The following PCLO variants were observed in gnomAD, a reference collection of about 807,000 sequenced individuals.
PCLO encodes piccolo presynaptic cytomatrix protein.
A neutral mutation model predicts 427.5 loss-of-function variants in PCLO; 82 were observed. The ratio of observed to expected loss-of-function variants is 0.19; its 90% CI spans 0.16 to 0.23. The LOEUF is 0.23. Among genes scored for constraint, PCLO ranks in the 10% least tolerant of loss-of-function variants. The pLI is 1.00. For missense variants in PCLO, 6,239 were observed against 6,115.9 expected (o/e 1.02, Z -0.67); for synonymous variants, 2,357 against 2,155.4 (o/e 1.09, Z -2.59).
intron 3 of PCLO, among the ~76,000 whole-genome samples, chr7:83,121,603 C>T (rs1791281091): frequency 1.3e-5 from 2 of 151,798 alleles, no homozygotes; most frequent in Non-Finnish European, 1.5e-5. Flanking sequence ...AAAAGCAAGA[C>T]CCAAAAAAAT....
chr7:83,081,076 G>A (rs1487828023), intron 3 of PCLO, among the ~76,000 whole-genome samples: 7 of 151,852 alleles, frequency 4.6e-5, no homozygotes, highest in Admixed American at 3.9e-4. Context: ...GATAAGGGGT[G>A]GACTACTGTA....
intron 3 of PCLO, among the ~76,000 whole-genome samples, chr7:83,073,265 A>T (rs1789864477): frequency 6.6e-6 from 1 of 152,050 alleles, no homozygotes; most frequent in Non-Finnish European, 1.5e-5. Flanking sequence ...TTAAAATTAC[A>T]GCCCATTAAA....
At chr7:83,057,338 A>G (rs867280718) in intron 3 of PCLO, among the ~76,000 whole-genome samples, 1 of 21,302 alleles carries the variant, frequency 4.7e-5, no homozygotes, top group Admixed American at 7.8e-4. Context: ...ATATATATAT[A>G]TATATATATA....
chr7:82,801,361 C>G (rs959722124), intron 22 of PCLO, among the ~76,000 whole-genome samples, 157 bp downstream of exon 22: 13 of 151,606 alleles, frequency 8.6e-5, no homozygotes, highest in Non-Finnish European at 1.9e-4. Context: ...AAAATGAATA[C>G]AGTCATTCTC....
At chr7:83,024,589 T>TG (rs1473189350) in intron 3 of PCLO, among the ~76,000 whole-genome samples, 2 of 152,150 alleles carry the variant, frequency 1.3e-5, no homozygotes, top group African/African-American at 4.8e-5. Flanking sequence ...AAGCTCGAAC[T>TG]GGGTGGAGCC....
chr7:83,009,609 G>A (rs1788029424), intron 3 of PCLO, among the ~76,000 whole-genome samples: 1 of 151,772 alleles, frequency 6.6e-6, no homozygotes, highest in African/African-American at 2.4e-5. Flanking sequence ...ATAATATACA[G>A]AGAATACAAA....
chr7:83,156,125 T>C lies in PCLO; in HGVS notation c.516A>G (p.Lys172=). Reference sequence around the variant, plus strand: ...CTGATATCAAATCAAAAGGGTTGAATTTATTTACAACAGAGGAAACAGCAC... The same window carrying C: ...CTGATATCAAATCAAAAGGGTTGAACTTATTTACAACAGAGGAAACAGCAC... ...ALSAVSSVVN[K]FNPFDLISDS... Residue 172 remains lysine, a synonymous_variant, in exon 2 of 25, where the codon AAA becomes AAG. Coordinates refer to ENST00000333891, the MANE Select transcript of PCLO (RefSeq NM_033026.6). 6.2e-7 allele frequency: 1 copy of C among 1,613,912 alleles called. No homozygotes were observed. Among genetic ancestry groups the C allele is most frequent in the Admixed American group, 1.7e-5 (1 of 60,014 alleles).
intron 3 of PCLO, among the ~76,000 whole-genome samples, chr7:83,011,855 T>A (rs375001494): frequency 3.3e-5 from 5 of 152,204 alleles, no homozygotes; most frequent in African/African-American, 1.2e-4. Context: ...AAATCTACCT[T>A]AGGAATTCAT....
chr7:82,895,385 T>C (rs185314718), intron 9 of PCLO, among the ~76,000 whole-genome samples: 37 of 151,920 alleles, frequency 2.4e-4, no homozygotes, highest in African/African-American at 8.2e-4. Context: ...GCTCTCCAAC[T>C]AATAAACTAA....
In PCLO at chr7:83,135,475, T is replaced by A. The variant is rs28726270; in HGVS notation, c.2075A>T (p.Gln692Leu). 4.3e-3 allele frequency: 6,906 copies of A among 1,613,678 alleles called. 244 individuals carry two copies. The African/African-American group carries it at 0.079, about 18-fold the overall frequency. Residue 692 changes from glutamine to leucine, a missense_variant, in exon 3 of 25, where the codon CAG becomes CTG. Around this residue, in one of 5 missense-constraint regions of PCLO, gnomAD observed 4,677 missense variants for 4,468.4 expected, o/e 1.05. Transcript: ENST00000333891. ...AGGCTCAGGTGCCTTGGAGAGATCCTGTTTTGGTGCAGCATCCTTCTTTGG... is the reference window on the plus strand; with the variant it reads ...AGGCTCAGGTGCCTTGGAGAGATCCAGTTTTGGTGCAGCATCCTTCTTTGG... ...TSPKKDAAPK[Q>L]DLSKAPEPKK...
chr7:82,940,751 C>CTTTT (rs1795063628), intron 6 of PCLO, among the ~76,000 whole-genome samples: 3 of 76,336 alleles, frequency 3.9e-5, no homozygotes, highest in Admixed American at 1.4e-4. Flanking sequence ...TTATTTTTTT[C>CTTTT]TTTCTTTTTT....
At chr7:83,079,609 A>G (rs1790043628) in intron 3 of PCLO, among the ~76,000 whole-genome samples, 1 of 152,146 alleles carries the variant, frequency 6.6e-6, no homozygotes, top group African/African-American at 2.4e-5. Context: ...ATGTTCATAC[A>G]CATTTTTTGT....
intron 3 of PCLO, among the ~76,000 whole-genome samples, chr7:82,993,334 C>A (rs1227318332): frequency 1.3e-5 from 2 of 151,930 alleles, no homozygotes; most frequent in East Asian, 3.9e-4. Flanking sequence ...ATTACAGGAT[C>A]TTCATTGCTA....
intron 9 of PCLO, among the ~76,000 whole-genome samples, chr7:82,899,338 AGTGCC>A: frequency 6.6e-6 from 1 of 151,556 alleles, no homozygotes; most frequent in Non-Finnish European, 1.5e-5. Flanking sequence ...GGAAATATTC[AGTGCC>A]AGTTTCTCTG....
At chr7:82,980,133 T>C (rs1796114572) in intron 3 of PCLO, among the ~76,000 whole-genome samples, 1 of 151,936 alleles carries the variant, frequency 6.6e-6, no homozygotes. Context: ...TCAACCCTCA[T>C]TACCTAGACT....
At chr7:82,879,019 G>C (rs1793437627) in intron 10 of PCLO, among the ~76,000 whole-genome samples, 1 of 151,910 alleles carries the variant, frequency 6.6e-6, no homozygotes, top group Non-Finnish European at 1.5e-5. Context: ...AACTTTTCTT[G>C]GTGTTTGTGA....
Position 83,156,116 on chromosome 7 carries a change from A to C in PCLO, c.525T>G (p.Pro175=). 1 of 1,613,740 alleles carries C rather than the reference A, an allele frequency of 6.2e-7. No individual in the cohort carries two copies. Among genetic ancestry groups the C allele is most frequent in the Non-Finnish European group, 8.5e-7 (1 of 1,179,834 alleles). The part of the protein sequence containing the change: ...AVSSVVNKFN[P]FDLISDSEAS... The stretch of plus-strand genomic sequence containing the variant: ...CCTCAGAGTCTGATATCAAATCAAA[A>C]GGGTTGAATTTATTTACAACAGAGG... The change falls in exon 2 of 25, where the codon CCT becomes CCG. Residue 175 remains proline, a synonymous_variant. Coordinates refer to ENST00000333891, the MANE Select transcript of PCLO (RefSeq NM_033026.6).
At chr7:82,863,438 A>G (rs1478968078) in intron 10 of PCLO, among the ~76,000 whole-genome samples, 4 of 151,972 alleles carry the variant, frequency 2.6e-5, no homozygotes, top group Non-Finnish European at 5.9e-5. Flanking sequence ...ATGAAGAATT[A>G]GCAAATAATT....
At chr7:82,969,963 A>G (rs1460879892) in intron 3 of PCLO, among the ~76,000 whole-genome samples, 4 of 152,124 alleles carry the variant, frequency 2.6e-5, no homozygotes, top group Non-Finnish European at 5.9e-5. Flanking sequence ...ACTATTTGAC[A>G]TAATAGAAAT....
Sources: allele counts gnomAD v4.1 joint callset (sites outside exome capture counted in the v4.1 genomes callset), GRCh38; gene constraint gnomAD v4.1.1; regional missense constraint gnomAD v4.1.1; transcripts MANE v1.5; gene names NCBI Gene and HGNC (gene_info 2026-07-23, HGNC 2026-07-21).